The following DIAPH1 variants were observed in gnomAD, a reference collection of about 807,000 sequenced individuals.
The protein encoded by DIAPH1 is protein diaphanous homolog 1.
A neutral mutation model predicts 140.7 loss-of-function variants in DIAPH1; 46 were observed. The observed-to-expected ratio is 0.33, with a 90% CI of 0.26 to 0.42. The LOEUF (loss-of-function observed/expected upper bound fraction) is 0.42. Ranked by LOEUF, DIAPH1 falls within the 10% of genes least tolerant of loss-of-function variation. The pLI, the probability that DIAPH1 is intolerant of heterozygous loss-of-function variation, is 1.00. For missense variants in DIAPH1, 1,310 were observed against 1,558.7 expected (o/e 0.84, Z 2.69); for synonymous variants, 565 against 551.6 (o/e 1.02, Z -0.34).
intron 18 of DIAPH1, among the ~76,000 whole-genome samples, chr5:141,539,814 T>C (rs2099889693): frequency 6.6e-6 from 1 of 152,110 alleles, no homozygotes; most frequent in Non-Finnish European, 1.5e-5. Flanking sequence ...AGTCTCTCTT[T>C]TTCTTGGTCA....
chr5:141,527,425 A>T, intron 24 of DIAPH1, 148 bp downstream of exon 24: 1 of 882,198 alleles, frequency 1.1e-6, no homozygotes, highest in Non-Finnish European at 1.7e-6. Flanking sequence ...CAAAATACTA[A>T]CAAACCCAAA....
At chr5:141,599,177 T>C (rs1001302374) in intron 1 of DIAPH1, among the ~76,000 whole-genome samples, 7 of 152,092 alleles carry the variant, frequency 4.6e-5, no homozygotes, top group African/African-American at 1.7e-4. Flanking sequence ...AAAAAGAGAG[T>C]ATGACTAAAC....
intron 18 of DIAPH1, among the ~76,000 whole-genome samples, chr5:141,537,483 CAAAAAAAAAAAAAAA>C (rs34323841): frequency 8.1e-5 from 3 of 36,950 alleles, no homozygotes; most frequent in African/African-American, 4.1e-4. Context: ...AACTCCGTCT[CAAAAAAAAAAAAAAA>C]AAAAAAAAAA....
chr5:141,598,319 G>T (rs1349909478), intron 1 of DIAPH1, among the ~76,000 whole-genome samples: 1 of 152,102 alleles, frequency 6.6e-6, no homozygotes, highest in Admixed American at 6.5e-5. Context: ...AGAATTAGAT[G>T]ACTAGATAAA....
chr5:141,617,291 T>C (rs1175955943), intron 1 of DIAPH1, among the ~76,000 whole-genome samples: 1 of 148,388 alleles, frequency 6.7e-6, no homozygotes, highest in Non-Finnish European at 1.5e-5. Flanking sequence ...CTTAACCTTA[T>C]ATTTCTAGGG....
In DIAPH1 at chr5:141,582,315, G is replaced by A. The variant is rs1318379689; in HGVS notation, c.681C>T (p.Asn227=). Residue 227 remains asparagine (N), a synonymous_variant, in exon 7 of 28, where the codon AAC becomes AAT. Transcript: ENST00000389054. The part of the protein sequence containing the change: ...IIRCLKAFMN[N]KFGIKTMLET... ...ATGAGAATGGGAAAAATCTCACCTT[G>A]TTGTTCATAAAAGCTTTCAAGCAGC... is the stretch of plus-strand genomic sequence containing the variant. 1.2e-6 allele frequency: 2 copies of A among 1,613,262 alleles called. No homozygotes were observed.
chr5:141,563,562 G>C (rs2099893921), intron 18 of DIAPH1: 2 of 152,146 alleles, frequency 1.3e-5, no homozygotes, highest in Non-Finnish European at 1.5e-5. Flanking sequence ...CAAGATGTTA[G>C]AAGTTTAAGT....
At chr5:141,554,074 T>A (rs1049363435) in intron 18 of DIAPH1, among the ~76,000 whole-genome samples, 2 of 151,956 alleles carry the variant, frequency 1.3e-5, no homozygotes, top group African/African-American at 4.8e-5. Flanking sequence ...AAGCCAAGAG[T>A]TTGAGATCAG....
intron 1 of DIAPH1, among the ~76,000 whole-genome samples, chr5:141,602,650 A>G (rs78870077): frequency 0.011 from 1,622 of 152,388 alleles, 40 homozygotes; most frequent in African/African-American, 0.037. Context: ...AATAAATAAT[A>G]AAACAGATAT....
chr5:141,609,512 C>A (rs982434061), intron 1 of DIAPH1, among the ~76,000 whole-genome samples: 24 of 152,158 alleles, frequency 1.6e-4, no homozygotes, highest in Non-Finnish European at 3.4e-4. Flanking sequence ...GCTGCTTGAT[C>A]TGAGTTCCAG....
chr5:141,590,268 A>G (rs951186965), intron 1 of DIAPH1, among the ~76,000 whole-genome samples: 4 of 152,222 alleles, frequency 2.6e-5, no homozygotes, highest in Non-Finnish European at 5.9e-5. Context: ...AAAACAAACA[A>G]GCAAACAAAC....
At chr5:141,532,188 T>C (rs1252316376) in intron 19 of DIAPH1, among the ~76,000 whole-genome samples, 1 of 152,114 alleles carries the variant, frequency 6.6e-6, no homozygotes, top group Non-Finnish European at 1.5e-5. Context: ...GGTTTTTTTT[T>C]TTGAGACGGG....
chr5:141,527,118 G>A (rs752410644), intron 24 of DIAPH1, among the ~76,000 whole-genome samples: 3 of 152,142 alleles, frequency 2.0e-5, no homozygotes, highest in Non-Finnish European at 2.9e-5. Context: ...TAGTGGAGAC[G>A]GGGTACAGGC....
intron 27 of DIAPH1, chr5:141,518,813 C>G: frequency 5.7e-6 from 5 of 872,162 alleles, no homozygotes; most frequent in Middle Eastern, 6.3e-4. Context: ...TGAGTCACCA[C>G]AGCCTGCCAA....
rs1562282074 is a variant in DIAPH1, at chr5:141,526,163, T to C, written c.3449A>G (p.Lys1150Arg). The part of the protein sequence containing the change: ...NFRNMFLQAV[K>R]ENQKRRETEE... ...TGTCTCCCGCCGCTTCTGGTTCTCCTTGACTGCTTGCTGGGGCAGGGAAGA... is the reference window on the plus strand; with the variant it reads ...TGTCTCCCGCCGCTTCTGGTTCTCCCTGACTGCTTGCTGGGGCAGGGAAGA... Residue 1150 changes from lysine to arginine, a missense_variant, in exon 26 of 28, where the codon AAG (lysine) becomes AGG (arginine). Lys to Arg is a conservative substitution (Grantham distance 26). This residue lies in a region of DIAPH1 where 344 missense variants were observed against 512.2 expected (regional missense o/e 0.67). Coordinates refer to ENST00000389054, the MANE Select transcript of DIAPH1 (RefSeq NM_005219.5). 20 of 1,614,140 alleles carry C rather than the reference T, an allele frequency of 1.2e-5. No homozygotes were observed. The highest frequency in any genetic ancestry group is 2.2e-5 in the East Asian group (1 of 44,880).
chr5:141,524,328 C>T, intron 26 of DIAPH1, 99 bp from the exon 27 acceptor site: 1 of 1,125,586 alleles, frequency 8.9e-7, no homozygotes, highest in East Asian at 2.4e-5. Context: ...CTTGATTTCC[C>T]CTCTCCCACA....
rs1194961929 is a variant in DIAPH1, at chr5:141,524,242, A to G, written c.3575-13T>C. On this transcript the variant is annotated splice_polypyrimidine_tract_variant and intron_variant, in intron 26 of 27. Transcript: ENST00000389054. Reference sequence around the variant, plus strand: ...GTCTCATCGCCCTCTGTTATAAAGAACAAGATGGAGATGTGAACTCTTCAG... The same window carrying G: ...GTCTCATCGCCCTCTGTTATAAAGAGCAAGATGGAGATGTGAACTCTTCAG... 2 of 1,612,456 alleles carry G rather than the reference A, an allele frequency of 1.2e-6. No homozygotes were observed. The highest frequency in any genetic ancestry group is 3.3e-5 in the Admixed American group (2 of 60,024).
At chr5:141,525,977 T>C (rs753868721) in intron 26 of DIAPH1, 61 bp downstream of exon 26, 4 of 1,608,314 alleles carry the variant, frequency 2.5e-6, no homozygotes, top group South Asian at 2.2e-5. Context: ...CTCTAGACTC[T>C]AGGCAGAGAA....
chr5:141,578,561 T>A lies in DIAPH1; in HGVS notation c.998A>T (p.His333Leu). Reference protein sequence around the residue: ...TPAEELDFRVHIRSELMRLGL... With the variant: ...TPAEELDFRVLIRSELMRLGL... ...CAAACGCATCAGTTCACTTCTGATG[T>A]GAACTCGGAAGTCAAGTTCCTCCGC... is the stretch of plus-strand genomic sequence containing the variant. Residue 333 changes from histidine (H) to leucine (L), a missense_variant, in exon 10 of 28, where the codon CAC becomes CTC. His to Leu is a moderately conservative substitution (Grantham distance 99, BLOSUM62 -3). Around this residue, in one of 3 missense-constraint regions of DIAPH1, gnomAD observed 377 missense variants for 497.1 expected, o/e 0.76. Coordinates refer to ENST00000389054, the MANE Select transcript of DIAPH1 (RefSeq NM_005219.5). The A allele has an allele frequency of 6.2e-7, 1 of 1,614,038 alleles. No homozygotes were observed.
Sources: gnomAD v4.1 joint callset for allele counts (sites outside exome capture counted in the v4.1 genomes callset) on GRCh38, gnomAD v4.1.1 for gene constraint, gnomAD v4.1.1 regional missense constraint, MANE v1.5 for transcripts, NCBI Gene and HGNC (gene_info 2026-07-23, HGNC 2026-07-21) for gene names.